The following C11orf16 variants were observed in gnomAD, a reference collection of about 807,000 sequenced individuals.
C11orf16 encodes the protein chromosome 11 open reading frame 16.
In C11orf16, 38 loss-of-function variants were observed where a neutral mutation model predicts 45.1. The ratio of observed to expected loss-of-function variants is 0.84; its 90% CI spans 0.65 to 1.10. The LOEUF (loss-of-function observed/expected upper bound fraction) is 1.10. Ranked by LOEUF, C11orf16 falls within the 50% of genes least tolerant of loss-of-function variation. C11orf16 has a pLI of 0.00. For missense variants in C11orf16, 583 were observed against 569.5 expected (o/e 1.02, Z -0.24); for synonymous variants, 221 against 222.0 (o/e 1.00, Z 0.04).
Position 8,920,236 on chromosome 11 carries a change from T to TG in C11orf16, c.*236dup. 1 of 405,108 alleles carries TG rather than the reference T, an allele frequency of 2.5e-6. No homozygotes were observed. Among genetic ancestry groups the TG allele is most frequent in the East Asian group, 3.6e-5 (1 of 27,656 alleles). The allele number at this position is 405,108 out of a possible 1,614,324, so 25.1% of individuals were successfully genotyped here. The stretch of plus-strand genomic sequence containing the variant: ...TCTTAAAGCAGTTTCACCAGGGCCC[T>TG]GGCAGGGAGCCCCAGGGCAGGATCC... On this transcript the variant is annotated 3_prime_UTR_variant, in exon 7 of 7. Transcript: ENST00000326053.
rs774654877 is a variant in C11orf16 at position 8,925,481 on chromosome 11, G to T, written c.1186C>A (p.Pro396Thr). Residue 396 changes from proline to threonine, a missense_variant, in exon 5 of 7, where the codon CCA becomes ACA. Transcript: ENST00000326053. ...WRYWKRNGPE[P>T]CLGKPGTRYS... is the part of the protein sequence containing the mutation. ...GGTATACCTGGCTTCCCAAGGCATGGCTCAGGCCCGTTTCTCTTCCAATAC... is the reference window on the plus strand; with the variant it reads ...GGTATACCTGGCTTCCCAAGGCATGTCTCAGGCCCGTTTCTCTTCCAATAC... 1.9e-6 allele frequency: 3 copies of T among 1,613,924 alleles called. No individual in the cohort carries two copies. The highest frequency in any genetic ancestry group is 2.5e-6 in the Non-Finnish European group (3 of 1,179,946).
intron 3 of C11orf16, among the ~76,000 whole-genome samples, chr11:8,928,481 G>A (rs546012902): frequency 3.9e-5 from 6 of 152,038 alleles, no homozygotes; most frequent in East Asian, 1.9e-4. Flanking sequence ...TGAATTTTCC[G>A]CAACAAAGTA....
rs945752174 is a variant in C11orf16 at position 8,921,344 on chromosome 11, A to G, written c.1376T>C (p.Ile459Thr). Reference sequence around the variant, plus strand: ...ACGGGAATTCTTGTTCCACTGACATATTGCAAGGCTCTGACTCCGCTTTCT... The same window carrying G: ...ACGGGAATTCTTGTTCCACTGACATGTTGCAAGGCTCTGACTCCGCTTTCT... ...EHRKRSQSLAICQWNKNSR is the reference protein window; with the variant it reads ...EHRKRSQSLATCQWNKNSR The change falls in exon 6 of 7, where the codon ATA becomes ACA. Residue 459 changes from isoleucine to threonine, a missense_variant. Ile to Thr is a moderately conservative substitution (Grantham distance 89, BLOSUM62 -1). Transcript: ENST00000326053. 1 of 1,605,042 alleles carries G rather than the reference A, an allele frequency of 6.2e-7. No individual in the cohort carries two copies. Among genetic ancestry groups the G allele is most frequent in the South Asian group, 1.1e-5 (1 of 91,062 alleles).
chr11:8,927,475 T>C (rs151215761), intron 3 of C11orf16: 123 of 445,988 alleles, frequency 2.8e-4, no homozygotes, highest in African/African-American at 2.2e-3. Context: ...TCCTACCAAA[T>C]TTTTGACCTG....
intron 2 of C11orf16, among the ~76,000 whole-genome samples, chr11:8,931,433 G>A (rs1301322289): frequency 6.6e-6 from 1 of 152,030 alleles, no homozygotes; most frequent in African/African-American, 2.4e-5. Context: ...CTGTCACCCA[G>A]GCTGGAGTGC....
At chr11:8,929,311 G>A (rs2064635010) in intron 3 of C11orf16, 66 bp downstream of exon 3, 5 of 1,520,552 alleles carry the variant, frequency 3.3e-6, no homozygotes, top group Non-Finnish European at 4.5e-6. Flanking sequence ...CACAGCTAAG[G>A]CATGTCAGGT....
chr11:8,921,787 C>T (rs538442207), intron 5 of C11orf16, among the ~76,000 whole-genome samples: 5 of 152,202 alleles, frequency 3.3e-5, no homozygotes, highest in Non-Finnish European at 1.5e-5. Flanking sequence ...GGACCACAGG[C>T]GCACACCACC....
At chr11:8,922,389 A>T (rs1189589984) in intron 5 of C11orf16, among the ~76,000 whole-genome samples, 1 of 151,684 alleles carries the variant, frequency 6.6e-6, no homozygotes, top group Non-Finnish European at 1.5e-5. Context: ...TAAAAAAAAA[A>T]TTGGGGCAAA....
At position 8,925,515 on chromosome 11, in the gene C11orf16, A is replaced by G. The variant is rs1240718234; in HGVS notation, c.1152T>C (p.Pro384=). The G allele has an allele frequency of 6.2e-7, 1 of 1,614,212 alleles. No homozygotes were observed. The highest frequency in any genetic ancestry group is 1.1e-5 in the South Asian group (1 of 91,084). ...CGTTTCTCTTCCAATACCTCCACTC[A>G]GGCTGGCAGAGGCCACTCTGTCTCA... The part of the protein sequence containing the change: ...MPLRQSGLCQ[P]EWRYWKRNGP... Residue 384 remains proline, a synonymous_variant, in exon 5 of 7, where the codon CCT becomes CCC. Transcript: ENST00000326053.
At chr11:8,930,700 G>C (rs970555781) in intron 2 of C11orf16, among the ~76,000 whole-genome samples, 4 of 152,124 alleles carry the variant, frequency 2.6e-5, no homozygotes, top group African/African-American at 4.8e-5. Context: ...GTCAGGGTTT[G>C]GGTTTTTGAA....
chr11:8,927,211 T>A (rs1479365498), intron 3 of C11orf16, 37 bp from the exon 4 acceptor site: 3 of 1,551,520 alleles, frequency 1.9e-6, no homozygotes, highest in Non-Finnish European at 2.6e-6. Flanking sequence ...AGACCTGGCA[T>A]TACAAAGTAC....
At chr11:8,922,003 T>G (rs563808139) in intron 5 of C11orf16, among the ~76,000 whole-genome samples, 2 of 152,324 alleles carry the variant, frequency 1.3e-5, no homozygotes, top group South Asian at 4.2e-4. Flanking sequence ...AGAAAAAAAT[T>G]GTTATCATTT....
rs2064636259 is a variant in C11orf16 at position 8,929,451 on chromosome 11, C to A, written c.250G>T (p.Ala84Ser). ...PGWLGRAGDA[A>S]NTWVLARREA... ...CTTCTTGCTAGGACCCATGTGTTGG[C>A]AGCATCTCCAGCTCTTCCCAGCCAG... The change falls in exon 3 of 7, where the codon GCC (alanine) becomes TCC (serine). Residue 84 changes from alanine (A) to serine (S), a missense_variant. By Grantham distance (99) the Ala-to-Ser change is moderately conservative. Transcript: ENST00000326053. 1 of 1,614,186 alleles carries A rather than the reference C, an allele frequency of 6.2e-7. No homozygotes were observed. Among genetic ancestry groups the A allele is most frequent in the East Asian group, 2.2e-5 (1 of 44,882 alleles).
intron 4 of C11orf16, among the ~76,000 whole-genome samples, chr11:8,926,466 C>G (rs2064614286): frequency 6.6e-6 from 1 of 152,162 alleles, no homozygotes; most frequent in South Asian, 2.1e-4. Flanking sequence ...ATAGTTACCT[C>G]CACTTCCCAA....
rs2064635462 is a variant in C11orf16, at chr11:8,929,380, G to A, written c.321C>T (p.Pro107=). The A allele has an allele frequency of 6.2e-6, 10 of 1,613,426 alleles. No individual in the cohort carries two copies. Among genetic ancestry groups the A allele is most frequent in the Admixed American group, 1.7e-5 (1 of 59,940 alleles). ...GATACTGGGGTCAGGGACTTGCCTC[G>A]GGAGTGGCCTTTATTTGGGCCCGGT... is the stretch of plus-strand genomic sequence containing the variant. ...FYYRAQIKAT[P]ELERQGVLLV... is the part of the protein sequence containing the mutation. Residue 107 remains proline, a synonymous_variant, in exon 3 of 7, where the codon CCC becomes CCT. Coordinates refer to ENST00000326053, the MANE Select transcript of C11orf16 (RefSeq NM_020643.3).
chr11:8,932,111 C>A, intron 2 of C11orf16, 31 bp downstream of exon 2: 2 of 1,526,384 alleles, frequency 1.3e-6, no homozygotes, highest in East Asian at 2.4e-5. Flanking sequence ...AAAAGGGCAT[C>A]CACTTCCCCC....
intron 3 of C11orf16, chr11:8,927,488 A>G: frequency 2.3e-6 from 1 of 429,116 alleles, no homozygotes; most frequent in Non-Finnish European, 4.5e-6. Context: ...TTGACCTGCA[A>G]TTGCCAGGAG....
chr11:8,925,367 G>A, intron 5 of C11orf16, 96 bp downstream of exon 5: 1 of 1,102,558 alleles, frequency 9.1e-7, no homozygotes, highest in Non-Finnish European at 1.3e-6. Context: ...CCAACAGAGT[G>A]GACACGTGCA....
intron 3 of C11orf16, 96 bp from the exon 4 acceptor site, chr11:8,927,270 G>A: frequency 2.2e-6 from 2 of 928,394 alleles, no homozygotes; most frequent in Non-Finnish European, 3.3e-6. Flanking sequence ...TCAGGCCCAG[G>A]GGCTGCCTTC....
Sources: allele counts gnomAD v4.1 joint callset (sites outside exome capture counted in the v4.1 genomes callset), GRCh38; gene constraint gnomAD v4.1.1; transcripts MANE v1.5; gene names NCBI Gene and HGNC (gene_info 2026-07-23, HGNC 2026-07-21).